Variants in LUZP2 observed in about 807,000 individuals in gnomAD.
LUZP2 encodes the protein leucine zipper protein 2.
LUZP2 carries 52 observed loss-of-function variants against 51.6 expected under a neutral mutation model. The ratio of observed to expected loss-of-function variants is 1.01; its 90% confidence interval spans 0.81 to 1.27. LUZP2 has a LOEUF of 1.27. Among genes scored for constraint, LUZP2 ranks in the 50% most tolerant of loss-of-function variants. The pLI is 0.00. For synonymous variants in LUZP2, 154 were observed against 137.3 expected, an observed-to-expected ratio of 1.12 and a Z score of -0.85; for missense variants, 436 against 395.4, an observed-to-expected ratio of 1.10 and a Z score of -0.87.
At chr11:24,819,253 C>T (rs1239604920) in intron 5 of LUZP2, among the ~76,000 whole-genome samples, 3 of 152,074 alleles carry the variant, frequency 2.0e-5, no homozygotes, top group African/African-American at 4.8e-5. Context: ...TGATGTTAGA[C>T]AAGTGGTAGG....
intron 9 of LUZP2, among the ~76,000 whole-genome samples, chr11:25,001,755 G>C (rs1269962156): frequency 4.6e-5 from 7 of 151,556 alleles, no homozygotes; most frequent in Non-Finnish European, 1.0e-4. Context: ...CTTTCTGTCA[G>C]TCTCTTCCTC....
At chr11:24,540,479 C>A (rs904868498) in intron 1 of LUZP2, among the ~76,000 whole-genome samples, 2 of 152,024 alleles carry the variant, frequency 1.3e-5, no homozygotes, top group African/African-American at 4.8e-5. Flanking sequence ...CAGCAAGAAC[C>A]AAGACTAAGA....
chr11:25,001,725 TTCTC>T (rs1856686448), intron 9 of LUZP2, among the ~76,000 whole-genome samples: 1 of 151,894 alleles, frequency 6.6e-6, no homozygotes, highest in African/African-American at 2.4e-5. Flanking sequence ...GTCTATCTCT[TTCTC>T]TCTTTCCTTC....
chr11:24,549,816 G>A (rs902674551), intron 1 of LUZP2, among the ~76,000 whole-genome samples: 11 of 151,908 alleles, frequency 7.2e-5, no homozygotes, highest in African/African-American at 1.2e-4. Context: ...TACCCCCAAC[G>A]TTAACTAAAA....
At chr11:24,922,880 G>A (rs550811466) in intron 7 of LUZP2, among the ~76,000 whole-genome samples, 22 of 112,202 alleles carry the variant, frequency 2.0e-4, no homozygotes, top group South Asian at 1.3e-3. Flanking sequence ...AGGGAGTCTC[G>A]CTCCATTGCC....
At chr11:24,517,483 CAAAAAAAAAAAA>C (rs71041768) in intron 1 of LUZP2, among the ~76,000 whole-genome samples, 9 of 44,148 alleles carry the variant, frequency 2.0e-4, no homozygotes, top group Non-Finnish European at 2.7e-4. Flanking sequence ...CAGACGCCGT[CAAAAAAAAAAAA>C]AAAAAAAAAA....
intron 5 of LUZP2, among the ~76,000 whole-genome samples, chr11:24,897,489 A>G (rs753607958): frequency 1.3e-5 from 2 of 151,972 alleles, no homozygotes; most frequent in Non-Finnish European, 2.9e-5. Flanking sequence ...ACAACTCTGG[A>G]CGGGAGGAAC....
chr11:24,764,115 A>G (rs1248430036), intron 5 of LUZP2, among the ~76,000 whole-genome samples: 1 of 152,222 alleles, frequency 6.6e-6, no homozygotes, highest in East Asian at 1.9e-4. Context: ...CTCACATACG[A>G]TTTAAAACAA....
At chr11:24,712,067 G>A (rs1368993759) in intron 1 of LUZP2, among the ~76,000 whole-genome samples, 1 of 152,128 alleles carries the variant, frequency 6.6e-6, no homozygotes, top group Admixed American at 6.6e-5. Flanking sequence ...AGTTAAAAAG[G>A]TAAAGACAAA....
Position 24,913,283 on chromosome 11 carries a change from CTGGATTCTTTCACA to C in LUZP2, c.460-1189_460-1176del, listed in dbSNP as rs1353272574. Among the ~76,000 whole-genome samples, 6 of 152,262 alleles carry C rather than the reference CTGGATTCTTTCACA, an allele frequency of 3.9e-5. No individual in the cohort carries two copies. The East Asian group carries it at 5.8e-4, about 15-fold the overall frequency. On this transcript the variant is annotated intron_variant, in intron 6 of 11. Transcript: ENST00000336930. Reference sequence around the variant, plus strand: ...TTGTACAAAATATAGCTTCTAGTTACTGGATTCTTTCACATGGTATAATGCTTTTGAAATTTGTC... The same window carrying C: ...TTGTACAAAATATAGCTTCTAGTTACTGGTATAATGCTTTTGAAATTTGTC...
intron 7 of LUZP2, among the ~76,000 whole-genome samples, chr11:24,943,103 T>G (rs1038100741): frequency 6.6e-6 from 1 of 152,204 alleles, no homozygotes; most frequent in Non-Finnish European, 1.5e-5. Flanking sequence ...TTGATTGGAT[T>G]CGTATGGTAA....
chr11:24,861,350 G>C (rs1446090216), intron 5 of LUZP2, among the ~76,000 whole-genome samples: 1 of 152,090 alleles, frequency 6.6e-6, no homozygotes, highest in African/African-American at 2.4e-5. Flanking sequence ...AAAAATATGG[G>C]GAGAATGTAA....
At position 24,652,071 on chromosome 11, in the gene LUZP2, GTATA is replaced by G. The variant is rs1439034751; in HGVS notation, c.63-77096_63-77093del. Among the ~76,000 whole-genome samples, 402 of 149,460 alleles carry G rather than the reference GTATA, an allele frequency of 2.7e-3. 1 individual carries two copies. The highest frequency in any genetic ancestry group is 4.0e-3 in the Non-Finnish European group (273 of 67,458). On this transcript the variant is annotated intron_variant, in intron 1 of 11. Coordinates refer to ENST00000336930, the MANE Select transcript of LUZP2 (RefSeq NM_001009909.4). Reference sequence around the variant, plus strand: ...TGTTGTATATGTGTGTACACATGTTGTATATGTGTGTACACATGTTGTGCATGTG... The same window carrying G: ...TGTTGTATATGTGTGTACACATGTTGTGTGTGTACACATGTTGTGCATGTG...
chr11:24,589,473 T>G (rs1182894123), intron 1 of LUZP2, among the ~76,000 whole-genome samples: 1 of 152,228 alleles, frequency 6.6e-6, no homozygotes, highest in Admixed American at 6.5e-5. Context: ...ATTTATTAAC[T>G]TGCAATTTAA....
chr11:24,541,795 CCTAAG>C (rs1487709203), intron 1 of LUZP2, among the ~76,000 whole-genome samples: 5 of 152,028 alleles, frequency 3.3e-5, no homozygotes, highest in Non-Finnish European at 7.4e-5. Context: ...ATGATAAGAA[CCTAAG>C]CTTTCAGAAA....
intron 5 of LUZP2, among the ~76,000 whole-genome samples, chr11:24,810,856 G>A (rs553027924): frequency 2.6e-5 from 4 of 152,208 alleles, no homozygotes; most frequent in East Asian, 1.9e-4. Context: ...TGCTGTTACC[G>A]TGTATGCTCA....
chr11:24,951,729 G>GT (rs1397116398), intron 7 of LUZP2, among the ~76,000 whole-genome samples: 8 of 151,638 alleles, frequency 5.3e-5, no homozygotes, highest in East Asian at 3.9e-4. Context: ...TTGGGAGGTA[G>GT]TTTTTTGTTG....
chr11:25,028,610 C>T (rs1452500639), intron 9 of LUZP2, among the ~76,000 whole-genome samples: 1 of 151,674 alleles, frequency 6.6e-6, no homozygotes, highest in Non-Finnish European at 1.5e-5. Flanking sequence ...ACTCTATGTA[C>T]TATTTTTAAT....
chr11:24,971,223 C>T (rs911944696), intron 7 of LUZP2, among the ~76,000 whole-genome samples: 3 of 151,954 alleles, frequency 2.0e-5, no homozygotes, highest in African/African-American at 7.2e-5. Flanking sequence ...GAGATGGGGT[C>T]GGGGAGGGGT....
Sources: allele counts gnomAD v4.1 joint callset (sites outside exome capture counted in the v4.1 genomes callset), GRCh38; gene constraint gnomAD v4.1.1; transcripts MANE v1.5; gene names NCBI Gene and HGNC (gene_info 2026-07-23, HGNC 2026-07-21).